The following SLIT2 variants were observed in gnomAD, a reference collection of about 807,000 sequenced individuals.
The protein encoded by SLIT2 is slit homolog 2 protein.
A neutral mutation model predicts 185.7 loss-of-function variants in SLIT2; 41 were observed. That is an observed-to-expected ratio of 0.22 (90% CI 0.17 to 0.29). The LOEUF is 0.29. Among genes scored for constraint, SLIT2 ranks in the 10% least tolerant of loss-of-function variants. The pLI, the probability that SLIT2 is intolerant of heterozygous loss-of-function variation, is 1.00. For missense variants in SLIT2, 1,571 were observed against 1,909.0 expected, an observed-to-expected ratio of 0.82 and a Z score of 3.30; for synonymous variants, 693 against 680.2, an observed-to-expected ratio of 1.02 and a Z score of -0.29.
Position 20,610,044 on chromosome 4 carries a change from A to G in SLIT2, c.3724A>G (p.Ile1242Val), listed in dbSNP as rs368085858. 6.8e-6 allele frequency: 11 copies of G among 1,613,242 alleles called. No individual in the cohort carries two copies. In the African/African-American group the frequency reaches 1.2e-4, roughly 18 times the overall value. The part of the protein sequence containing the change: ...VETINDGNFH[I>V]VELLALDQSL... The stretch of plus-strand genomic sequence containing the variant: ...GACAATCAATGATGGAAACTTCCAC[A>G]TTGTGGAACTACTTGCCTTGGATCA... The change falls in exon 34 of 37, where the codon ATT becomes GTT. Residue 1242 changes from isoleucine to valine, a missense_variant. Ile to Val is a conservative substitution (Grantham distance 29). Transcript: ENST00000504154.
chr4:20,527,081 T>A (rs930397586), intron 15 of SLIT2, among the ~76,000 whole-genome samples: 1 of 152,206 alleles, frequency 6.6e-6, no homozygotes, highest in Non-Finnish European at 1.5e-5. Context: ...TGATTCCATT[T>A]CCACTAAGAC....
chr4:20,334,478 A>C (rs903294728), intron 4 of SLIT2, among the ~76,000 whole-genome samples: 11 of 152,142 alleles, frequency 7.2e-5, no homozygotes, highest in African/African-American at 2.7e-4. Context: ...ATATAAAACT[A>C]ATTTTTAAAA....
intron 18 of SLIT2, among the ~76,000 whole-genome samples, chr4:20,534,741 G>A (rs1722117759): frequency 1.3e-5 from 2 of 152,134 alleles, no homozygotes; most frequent in South Asian, 4.1e-4. Flanking sequence ...TGAAGGCTGA[G>A]TCCATTGTCT....
intron 4 of SLIT2, among the ~76,000 whole-genome samples, chr4:20,452,459 A>G (rs551615162): frequency 6.6e-6 from 1 of 152,332 alleles, no homozygotes; most frequent in South Asian, 2.1e-4. Flanking sequence ...AATAAAATGG[A>G]CAGTTTCAAA....
intron 33 of SLIT2, 52 bp downstream of exon 33, chr4:20,598,447 A>G: frequency 1.3e-6 from 2 of 1,595,034 alleles, no homozygotes; most frequent in Non-Finnish European, 8.6e-7. Flanking sequence ...TTAATGAAGA[A>G]CTGCTTCTCC....
intron 4 of SLIT2, among the ~76,000 whole-genome samples, chr4:20,360,613 ATAAAATGGTAT>A (rs1469683589): frequency 3.5e-5 from 5 of 143,862 alleles, no homozygotes; most frequent in African/African-American, 1.2e-4. Flanking sequence ...TGTAAATTAA[ATAAAATGGTAT>A]ACGTTAAAAT....
chr4:20,429,501 T>TG (rs757449590), intron 4 of SLIT2, among the ~76,000 whole-genome samples: 6 of 152,150 alleles, frequency 3.9e-5, no homozygotes, highest in Non-Finnish European at 8.8e-5. Flanking sequence ...CATTTGATGA[T>TG]GGAGAACCTG....
chr4:20,617,718 A>G, intron 36 of SLIT2, 68 bp downstream of exon 36: 1 of 758,012 alleles, frequency 1.3e-6, no homozygotes, highest in Non-Finnish European at 2.1e-6. Flanking sequence ...CTTTGAAAAG[A>G]GAGGGAGAAA....
Position 20,617,591 on chromosome 4 carries a change from G to T in SLIT2, c.4289G>T (p.Gly1430Val). ...AAGCATGGGAAGTGCAGGCTTTCAGGTCTGGGGCAGCCCTACTGTGAATGC... is the reference window on the plus strand; with the variant it reads ...AAGCATGGGAAGTGCAGGCTTTCAGTTCTGGGGCAGCCCTACTGTGAATGC... ...KCKHGKCRLS[G>V]LGQPYCECSS... The change falls in exon 36 of 37, where the codon GGT becomes GTT. Residue 1430 changes from glycine (G) to valine (V), a missense_variant. Gly to Val is a moderately radical substitution (Grantham distance 109). Around this residue, in one of 3 missense-constraint regions of SLIT2, gnomAD observed 223 missense variants for 245.2 expected, o/e 0.91. Coordinates refer to ENST00000504154, the MANE Select transcript of SLIT2 (RefSeq NM_004787.4). 1 of 1,613,458 alleles carries T rather than the reference G, an allele frequency of 6.2e-7. No homozygotes were observed. The highest frequency in any genetic ancestry group is 8.5e-7 in the Non-Finnish European group (1 of 1,179,946).
intron 9 of SLIT2, among the ~76,000 whole-genome samples, chr4:20,509,808 G>C (rs1190201594): frequency 6.6e-6 from 1 of 152,138 alleles, no homozygotes; most frequent in Non-Finnish European, 1.5e-5. Context: ...GATGATATCA[G>C]TTATTTTCAA....
chr4:20,600,967 A>G (rs1728370580), intron 33 of SLIT2, among the ~76,000 whole-genome samples: 2 of 151,828 alleles, frequency 1.3e-5, no homozygotes, highest in Non-Finnish European at 2.9e-5. Context: ...GAAAAAAGGA[A>G]GAAAGAAAGG....
chr4:20,413,755 A>G (rs1310334125), intron 4 of SLIT2, among the ~76,000 whole-genome samples: 1 of 152,070 alleles, frequency 6.6e-6, no homozygotes, highest in Non-Finnish European at 1.5e-5. Context: ...CTCTTTACAC[A>G]ATAGGTATTT....
At chr4:20,588,180 G>A (rs886554810) in intron 29 of SLIT2, among the ~76,000 whole-genome samples, 2 of 152,110 alleles carry the variant, frequency 1.3e-5, no homozygotes, top group Admixed American at 1.3e-4. Flanking sequence ...AAAATCTTTT[G>A]TATCCCAGAA....
chr4:20,323,639 G>A (rs1041522392), intron 4 of SLIT2, among the ~76,000 whole-genome samples: 1 of 151,902 alleles, frequency 6.6e-6, no homozygotes, highest in East Asian at 1.9e-4. Context: ...TCCCTTAACC[G>A]TCTAAGGAAA....
At chr4:20,463,849 C>G (rs746174524) in intron 4 of SLIT2, among the ~76,000 whole-genome samples, 1 of 147,708 alleles carries the variant, frequency 6.8e-6, no homozygotes, top group Admixed American at 6.9e-5. Flanking sequence ...GCACTCCAGC[C>G]TGGGAGACAG....
chr4:20,559,133 C>G (rs1724492891), intron 26 of SLIT2, among the ~76,000 whole-genome samples: 1 of 151,828 alleles, frequency 6.6e-6, no homozygotes, highest in African/African-American at 2.4e-5. Flanking sequence ...TGGACCTGTT[C>G]CAGGGCCACC....
chr4:20,389,287 A>G (rs998857802), intron 4 of SLIT2, among the ~76,000 whole-genome samples: 2 of 152,034 alleles, frequency 1.3e-5, no homozygotes, highest in Admixed American at 1.3e-4. Context: ...CTAGCATATC[A>G]TTATAAAAAT....
intron 4 of SLIT2, among the ~76,000 whole-genome samples, chr4:20,413,113 C>T (rs1727382610): frequency 6.6e-6 from 1 of 151,868 alleles, no homozygotes; most frequent in Admixed American, 6.6e-5. Flanking sequence ...TGAATGTTTT[C>T]CATTTATTTA....
intron 4 of SLIT2, among the ~76,000 whole-genome samples, chr4:20,359,118 C>G (rs1722552986): frequency 6.6e-6 from 1 of 152,092 alleles, no homozygotes; most frequent in African/African-American, 2.4e-5. Flanking sequence ...CAACACATAT[C>G]CCAATTATAA....
Sources: allele counts gnomAD v4.1 joint callset (sites outside exome capture counted in the v4.1 genomes callset), GRCh38; gene constraint gnomAD v4.1.1; regional missense constraint gnomAD v4.1.1; transcripts MANE v1.5; gene names NCBI Gene and HGNC (gene_info 2026-07-23, HGNC 2026-07-21).